WWOX: variants seen among roughly 807,000 people sequenced by gnomAD.
The protein encoded by WWOX is WW domain containing oxidoreductase.
In WWOX, 69 loss-of-function variants were observed where a neutral mutation model predicts 46.2. That is an observed-to-expected ratio of 1.49 (90% confidence interval 1.23 to 1.82). WWOX has a LOEUF of 1.82. WWOX is among the 40% of genes most tolerant of loss of function. WWOX has a pLI of 0.00. For synonymous variants in WWOX, 359 were observed against 202.6 expected (o/e 1.77, Z -6.56); for missense variants, 919 against 542.6 (o/e 1.69, Z -6.89).
chr16:78,582,906 T>G (rs181521852), intron 8 of WWOX, among the ~76,000 whole-genome samples: 1 of 152,132 alleles, frequency 6.6e-6, no homozygotes, highest in African/African-American at 2.4e-5. Context: ...TCTGCTAATT[T>G]TGGGGACAAG....
chr16:78,235,473 C>A (rs969430240), intron 5 of WWOX, among the ~76,000 whole-genome samples: 2 of 152,204 alleles, frequency 1.3e-5, no homozygotes, highest in African/African-American at 4.8e-5. Context: ...CCTGACAATC[C>A]TTGCCCCTAA....
chr16:78,822,191 A>G (rs1382655643), intron 8 of WWOX, among the ~76,000 whole-genome samples: 1 of 151,956 alleles, frequency 6.6e-6, no homozygotes, highest in African/African-American at 2.4e-5. Flanking sequence ...TAAACTCTTT[A>G]GTGTCAAAAA....
chr16:79,020,486 A>G (rs2047511904), intron 8 of WWOX, among the ~76,000 whole-genome samples: 1 of 152,212 alleles, frequency 6.6e-6, no homozygotes, highest in African/African-American at 2.4e-5. Flanking sequence ...CAGGGGAGTT[A>G]GGAGGATTAA....
rs905635169 is a variant in WWOX at position 78,485,693 on chromosome 16, G to C, written c.1056+52941G>C. ...AAGTGAGCAATTGTGCTTCTGATTTGGGGCAGCACCTTTGCTTGAACGCTG... is the reference window on the plus strand; with the variant it reads ...AAGTGAGCAATTGTGCTTCTGATTTCGGGCAGCACCTTTGCTTGAACGCTG... On this transcript the variant is annotated intron_variant, in intron 8 of 8. Transcript: ENST00000566780. 2.6e-5 allele frequency among the ~76,000 whole-genome samples: 4 copies of C among 152,298 alleles called. No homozygotes were observed. In the East Asian group the frequency reaches 7.8e-4, roughly 30 times the overall value.
At chr16:78,179,772 C>A (rs945367218) in intron 5 of WWOX, 1 of 152,190 alleles carries the variant, frequency 6.6e-6, no homozygotes, top group Non-Finnish European at 1.5e-5. Context: ...TGTCTAGGTT[C>A]AAACAGCAAC....
intron 8 of WWOX, among the ~76,000 whole-genome samples, chr16:78,678,180 C>T (rs994673824): frequency 6.6e-6 from 1 of 152,070 alleles, no homozygotes; most frequent in African/African-American, 2.4e-5. Context: ...TACCAGTGGC[C>T]TTACGTGGCA....
At chr16:78,554,399 A>T (rs1250249621) in intron 8 of WWOX, among the ~76,000 whole-genome samples, 1 of 152,168 alleles carries the variant, frequency 6.6e-6, no homozygotes, top group Non-Finnish European at 1.5e-5. Flanking sequence ...AAAAATTGCA[A>T]CCTGAGGCAT....
intron 5 of WWOX, among the ~76,000 whole-genome samples, chr16:78,175,011 TAATAATAATAATAATAATAAG>T (rs1484037287): frequency 1.6e-5 from 2 of 127,984 alleles, no homozygotes; most frequent in East Asian, 4.1e-4. Flanking sequence ...ATAATAATAA[TAATAATAATAATAATAATAAG>T]AATCTGACTA....
chr16:78,609,538 C>G lies in WWOX; in HGVS notation c.1056+176786C>G, dbSNP rs562977200. Among the ~76,000 whole-genome samples, 5 of 145,376 alleles carry G rather than the reference C, an allele frequency of 3.4e-5. No individual in the cohort carries two copies. In the South Asian group the frequency reaches 8.8e-4, roughly 25 times the overall value. On this transcript the variant is annotated intron_variant, in intron 8 of 8. Coordinates refer to ENST00000566780, the MANE Select transcript of WWOX (RefSeq NM_016373.4). ...CTGAGGTTTTTTTTTTTCTTTCTTT[C>G]TTTTCTTTTTTTTTCTTTTTCCCAG...
At chr16:79,014,411 C>G (rs1005834515) in intron 8 of WWOX, among the ~76,000 whole-genome samples, 3 of 152,146 alleles carry the variant, frequency 2.0e-5, no homozygotes, top group African/African-American at 4.8e-5. Flanking sequence ...TTTAAATTTT[C>G]TCAAGCTGTC....
chr16:78,243,241 G>A (rs911014721), intron 5 of WWOX, among the ~76,000 whole-genome samples: 2 of 152,112 alleles, frequency 1.3e-5, no homozygotes, highest in Non-Finnish European at 2.9e-5. Flanking sequence ...AGAGGTAATA[G>A]TGTATCTACT....
chr16:78,366,450 A>C (rs944687111), intron 5 of WWOX, among the ~76,000 whole-genome samples: 1 of 152,168 alleles, frequency 6.6e-6, no homozygotes, highest in Non-Finnish European at 1.5e-5. Flanking sequence ...ATGGCATGAC[A>C]TTCTCCTTTC....
At chr16:78,316,413 T>C (rs552268594) in intron 5 of WWOX, among the ~76,000 whole-genome samples, 4 of 152,200 alleles carry the variant, frequency 2.6e-5, no homozygotes, top group African/African-American at 9.6e-5. Context: ...TGATCTTGGC[T>C]CACTGCAACC....
intron 7 of WWOX, among the ~76,000 whole-genome samples, chr16:78,430,186 T>G (rs779745716): frequency 6.6e-6 from 1 of 152,166 alleles, no homozygotes; most frequent in Non-Finnish European, 1.5e-5. Context: ...AATTCTCATT[T>G]ATAAAACCAT....
At chr16:78,507,386 A>G (rs2085236036) in intron 8 of WWOX, among the ~76,000 whole-genome samples, 1 of 152,092 alleles carries the variant, frequency 6.6e-6, no homozygotes, top group African/African-American at 2.4e-5. Flanking sequence ...AAGGAAACAA[A>G]CAATGTTGCT....
intron 8 of WWOX, among the ~76,000 whole-genome samples, chr16:78,675,734 G>C (rs1294497018): frequency 6.6e-6 from 1 of 152,164 alleles, no homozygotes; most frequent in Non-Finnish European, 1.5e-5. Context: ...TGCACTTAGA[G>C]AGGGCAAGAC....
intron 8 of WWOX, chr16:79,017,533 A>C (rs1343338421): frequency 3.4e-5 from 5 of 149,040 alleles, no homozygotes; most frequent in Non-Finnish European, 5.9e-5. Context: ...CAGAGAGTAT[A>C]TATTTCAGGC....
intron 8 of WWOX, among the ~76,000 whole-genome samples, chr16:78,894,296 G>C (rs1438520910): frequency 6.6e-6 from 1 of 152,038 alleles, no homozygotes; most frequent in Non-Finnish European, 1.5e-5. Flanking sequence ...TTGTGTTATT[G>C]GGTTAATGGG....
At chr16:78,407,481 C>G (rs1025734669) in intron 6 of WWOX, among the ~76,000 whole-genome samples, 2 of 152,168 alleles carry the variant, frequency 1.3e-5, no homozygotes, top group Non-Finnish European at 2.9e-5. Context: ...TCTTGCCTCA[C>G]TTTTGGGGAG....
Sources: allele counts gnomAD v4.1 joint callset (sites outside exome capture counted in the v4.1 genomes callset), GRCh38; gene constraint gnomAD v4.1.1; transcripts MANE v1.5; gene names NCBI Gene and HGNC (gene_info 2026-07-23, HGNC 2026-07-21).